The following ACCSL variants were observed in gnomAD, a reference collection of about 807,000 sequenced individuals.
The protein encoded by ACCSL is 1-aminocyclopropane-1-carboxylate synthase homolog (inactive) like.
In ACCSL, 55 loss-of-function variants were observed where a neutral mutation model predicts 61.7. The ratio of observed to expected loss-of-function variants is 0.89; its 90% CI spans 0.72 to 1.12. ACCSL has a LOEUF of 1.12. ACCSL is among the 50% of genes most tolerant of loss of function. The probability of loss-of-function intolerance (pLI) is 0.00; values close to 1 mark genes in which losing one functional copy is unlikely to be tolerated. For missense variants in ACCSL, 632 were observed against 698.0 expected (o/e 0.91, Z 1.07); for synonymous variants, 258 against 264.3 (o/e 0.98, Z 0.23).
the ACCSL span, among the ~76,000 whole-genome samples, chr11:43,932,441 G>A: frequency 1.4e-4 from 22 of 152,264 alleles, no homozygotes; most frequent in East Asian, 3.7e-3. Flanking sequence ...CTAACTTTTT[G>A]TATTTTTAGT....
intron 13 of ACCSL, among the ~76,000 whole-genome samples, chr11:44,059,614 A>G (rs1952695177): frequency 6.6e-6 from 1 of 152,248 alleles, no homozygotes. Flanking sequence ...AGGCTTTGAT[A>G]CAAGACATTG....
At chr11:44,052,928 T>A in intron 6 of ACCSL, 63 bp from the exon 7 acceptor site, 1 of 1,547,372 alleles carries the variant, frequency 6.5e-7, no homozygotes, top group East Asian at 2.2e-5. Context: ...GCGGGGCTTA[T>A]GGGAATGAGG....
At chr11:43,944,575 T>G in the ACCSL span, 6 of 152,630 alleles carry the variant, frequency 3.9e-5, no homozygotes, top group South Asian at 1.2e-3. Context: ...AGTCCTTCCC[T>G]TCTCCCCGCC....
At chr11:43,925,315 C>CT in the ACCSL span, 1 of 454,022 alleles carries the variant, frequency 2.2e-6, no homozygotes, top group East Asian at 7.0e-5. Flanking sequence ...TTCTGCCACT[C>CT]TGAGAGGCCT....
chr11:43,984,071 C>G, the ACCSL span, among the ~76,000 whole-genome samples: 1 of 151,834 alleles, frequency 6.6e-6, no homozygotes, highest in South Asian at 2.1e-4. Flanking sequence ...GAGCCAAGAT[C>G]GTGCCACTTC....
chr11:43,968,480 T>G, the ACCSL span, among the ~76,000 whole-genome samples: 1 of 152,218 alleles, frequency 6.6e-6, no homozygotes, highest in African/African-American at 2.4e-5. Context: ...TAATGGAGTT[T>G]GCATTATTTT....
At chr11:43,987,993 A>G in the ACCSL span, among the ~76,000 whole-genome samples, 1 of 151,908 alleles carries the variant, frequency 6.6e-6, no homozygotes, top group Non-Finnish European at 1.5e-5. Context: ...TGCATGGAAA[A>G]TGGTTTCAGT....
At chr11:43,983,477 G>C in the ACCSL span, among the ~76,000 whole-genome samples, 1 of 152,092 alleles carries the variant, frequency 6.6e-6, no homozygotes, top group East Asian at 1.9e-4. Context: ...ATACCTGAAG[G>C]GCAAGGGTAG....
At chr11:44,026,219 T>C in the ACCSL span, among the ~76,000 whole-genome samples, 674 of 152,340 alleles carry the variant, frequency 4.4e-3, 1 homozygote, top group African/African-American at 0.015. Flanking sequence ...TCTTTATTCT[T>C]TTTTCTTTCT....
chr11:43,994,158 A>G, the ACCSL span, among the ~76,000 whole-genome samples: 1 of 152,244 alleles, frequency 6.6e-6, no homozygotes, highest in Non-Finnish European at 1.5e-5. Flanking sequence ...ATTTAAAGAC[A>G]GTATTTTTTG....
chr11:44,006,045 C>A, the ACCSL span, among the ~76,000 whole-genome samples: 2 of 152,216 alleles, frequency 1.3e-5, no homozygotes, highest in South Asian at 2.1e-4. Context: ...ACCACCATGC[C>A]ACCCCAGCGA....
the ACCSL span, among the ~76,000 whole-genome samples, chr11:44,002,449 T>C: frequency 2.0e-5 from 3 of 152,280 alleles, no homozygotes; most frequent in South Asian, 4.2e-4. Flanking sequence ...AAATTCTCTC[T>C]GATGGTCGAG....
the ACCSL span, among the ~76,000 whole-genome samples, chr11:44,029,899 A>C: frequency 6.6e-6 from 1 of 151,028 alleles, no homozygotes; most frequent in Admixed American, 6.9e-5. Context: ...GTATAACATG[A>C]GGTTCTTGGA....
At chr11:44,012,499 C>T in the ACCSL span, among the ~76,000 whole-genome samples, 1 of 152,156 alleles carries the variant, frequency 6.6e-6, no homozygotes. Flanking sequence ...GTTGGCCAGG[C>T]TGGTCTTGAA....
At chr11:43,961,652 C>G in the ACCSL span, among the ~76,000 whole-genome samples, 1 of 152,138 alleles carries the variant, frequency 6.6e-6, no homozygotes, top group Non-Finnish European at 1.5e-5. Flanking sequence ...TTACCTCTTT[C>G]TACCACATGA....
At chr11:43,925,988 G>T in the ACCSL span, among the ~76,000 whole-genome samples, 1 of 152,198 alleles carries the variant, frequency 6.6e-6, no homozygotes, top group Admixed American at 6.5e-5. Flanking sequence ...TCCTTCTGTG[G>T]CTGACGGATG....
At chr11:44,021,519 T>G in the ACCSL span, among the ~76,000 whole-genome samples, 1 of 152,284 alleles carries the variant, frequency 6.6e-6, no homozygotes, top group South Asian at 2.1e-4. Flanking sequence ...TGTATATTAG[T>G]TCCTTGTTGG....
chr11:43,955,701 C>G, the ACCSL span, among the ~76,000 whole-genome samples: 4 of 151,982 alleles, frequency 2.6e-5, no homozygotes, highest in Non-Finnish European at 5.9e-5. Flanking sequence ...TCTCAAAAGG[C>G]CAATCTTTGG....
the ACCSL span, among the ~76,000 whole-genome samples, chr11:44,028,495 T>A: frequency 6.6e-6 from 1 of 152,238 alleles, no homozygotes; most frequent in Non-Finnish European, 1.5e-5. Flanking sequence ...TTTAAACAGC[T>A]ACATGTGACT....
Sources: allele counts gnomAD v4.1 joint callset (sites outside exome capture counted in the v4.1 genomes callset), GRCh38; gene constraint gnomAD v4.1.1; transcripts MANE v1.5; gene names NCBI Gene and HGNC (gene_info 2026-07-23, HGNC 2026-07-21).